THSD7B: variants seen among roughly 807,000 people sequenced by gnomAD.
The protein encoded by THSD7B is thrombospondin type-1 domain-containing protein 7B.
In THSD7B, 138 loss-of-function variants were observed where a neutral mutation model predicts 213.6. The observed-to-expected ratio is 0.65, with a 90% CI of 0.56 to 0.74. The LOEUF is 0.74. THSD7B is among the 30% of genes least tolerant of loss of function. The probability of loss-of-function intolerance (pLI) is 0.00; values close to 1 mark genes in which losing one functional copy is unlikely to be tolerated. For missense variants in THSD7B, 1,931 were observed against 1,991.5 expected, an observed-to-expected ratio of 0.97 and a Z score of 0.58; for synonymous variants, 742 against 687.0, an observed-to-expected ratio of 1.08 and a Z score of -1.25.
chr2:136,910,575 A>G (rs756437791), intron 2 of THSD7B, among the ~76,000 whole-genome samples: 2 of 152,220 alleles, frequency 1.3e-5, no homozygotes, highest in Non-Finnish European at 2.9e-5. Flanking sequence ...CTGAGGTGTT[A>G]GTGAATGTTA....
chr2:137,126,899 G>A (rs538105018), intron 5 of THSD7B, among the ~76,000 whole-genome samples: 14 of 152,228 alleles, frequency 9.2e-5, no homozygotes, highest in African/African-American at 2.9e-4. Context: ...GGAGGCCTGA[G>A]GAAAGAGAGA....
chr2:137,545,208 A>G (rs1680685518), intron 15 of THSD7B, among the ~76,000 whole-genome samples: 1 of 151,876 alleles, frequency 6.6e-6, no homozygotes, highest in Non-Finnish European at 1.5e-5. Flanking sequence ...TAATCTTACT[A>G]AAATAAAAAG....
intron 16 of THSD7B, among the ~76,000 whole-genome samples, chr2:137,564,110 A>G (rs1358154760): frequency 6.6e-6 from 1 of 152,198 alleles, no homozygotes; most frequent in African/African-American, 2.4e-5. Flanking sequence ...AAGAAGCATA[A>G]CTTAGTTAAC....
At chr2:136,861,752 A>C (rs1330497825) in intron 1 of THSD7B, among the ~76,000 whole-genome samples, 1 of 152,250 alleles carries the variant, frequency 6.6e-6, no homozygotes, top group African/African-American at 2.4e-5. Flanking sequence ...AATTACTTAA[A>C]AATGTAGTAG....
chr2:137,577,317 A>G (rs968096351), intron 17 of THSD7B, among the ~76,000 whole-genome samples: 10 of 152,092 alleles, frequency 6.6e-5, no homozygotes, highest in Non-Finnish European at 1.2e-4. Context: ...CGTGCATTGG[A>G]GCAGTGAATG....
chr2:137,402,241 CCTT>C (rs1335118290), intron 12 of THSD7B, among the ~76,000 whole-genome samples: 2 of 152,064 alleles, frequency 1.3e-5, no homozygotes, highest in Admixed American at 6.5e-5. Flanking sequence ...TCAGATAGCT[CCTT>C]GTTTAGACTT....
intron 3 of THSD7B, among the ~76,000 whole-genome samples, chr2:137,091,795 G>A (rs1031410752): frequency 1.3e-5 from 2 of 152,008 alleles, no homozygotes; most frequent in African/African-American, 2.4e-5. Flanking sequence ...TGAGGTCCCA[G>A]GGGTTATGAC....
intron 12 of THSD7B, among the ~76,000 whole-genome samples, chr2:137,382,660 G>A (rs1474814026): frequency 2.0e-5 from 3 of 152,218 alleles, no homozygotes; most frequent in African/African-American, 7.2e-5. Context: ...ACAATCCCCT[G>A]GACTGGGATG....
At chr2:137,499,141 G>A (rs975762864) in intron 15 of THSD7B, among the ~76,000 whole-genome samples, 2 of 152,202 alleles carry the variant, frequency 1.3e-5, no homozygotes, top group Non-Finnish European at 2.9e-5. Flanking sequence ...GTAGTCGCCT[G>A]TAAGTAGATG....
intron 12 of THSD7B, among the ~76,000 whole-genome samples, chr2:137,390,906 T>C (rs1218400104): frequency 6.6e-6 from 1 of 152,130 alleles, no homozygotes; most frequent in African/African-American, 2.4e-5. Flanking sequence ...TATTTTTTGA[T>C]GTGATGTTGG....
chr2:137,186,084 T>A (rs187887218), intron 7 of THSD7B, among the ~76,000 whole-genome samples: 4 of 152,272 alleles, frequency 2.6e-5, no homozygotes, highest in Admixed American at 6.5e-5. Context: ...TGTGGTTATT[T>A]TGTTTTTGCT....
intron 2 of THSD7B, among the ~76,000 whole-genome samples, chr2:137,017,464 A>G (rs1430647297): frequency 6.6e-6 from 1 of 152,104 alleles, no homozygotes; most frequent in Non-Finnish European, 1.5e-5. Context: ...AGTGAGGTTG[A>G]AAGAGGGCGG....
chr2:137,042,486 A>G (rs564536237), intron 2 of THSD7B, among the ~76,000 whole-genome samples: 2 of 152,272 alleles, frequency 1.3e-5, no homozygotes, highest in African/African-American at 2.4e-5. Context: ...GAGGATTCAC[A>G]TTATGTATTA....
At chr2:137,399,365 T>C (rs1686297939) in intron 12 of THSD7B, among the ~76,000 whole-genome samples, 1 of 151,916 alleles carries the variant, frequency 6.6e-6, no homozygotes, top group Non-Finnish European at 1.5e-5. Flanking sequence ...GCTAATTTTT[T>C]TATTTTTAGT....
intron 5 of THSD7B, among the ~76,000 whole-genome samples, chr2:137,158,496 T>A (rs1383053967): frequency 6.6e-6 from 1 of 152,216 alleles, no homozygotes; most frequent in Non-Finnish European, 1.5e-5. Flanking sequence ...TGCCCTTTAT[T>A]TTAAGTCATA....
At chr2:136,872,620 CTCTT>C (rs972772404) in intron 1 of THSD7B, among the ~76,000 whole-genome samples, 3 of 126,534 alleles carry the variant, frequency 2.4e-5, no homozygotes, top group Non-Finnish European at 5.2e-5. Context: ...TTTCTTCTTT[CTCTT>C]TCTTTTCTTT....
At chr2:137,196,783 G>A (rs1680774703) in intron 7 of THSD7B, among the ~76,000 whole-genome samples, 1 of 152,048 alleles carries the variant, frequency 6.6e-6, no homozygotes, top group Admixed American at 6.6e-5. Flanking sequence ...TTTAGACTTG[G>A]ATTCTGTCAC....
At chr2:137,102,250 G>C (rs1241461822) in intron 4 of THSD7B, among the ~76,000 whole-genome samples, 2 of 152,204 alleles carry the variant, frequency 1.3e-5, no homozygotes, top group Admixed American at 1.3e-4. Flanking sequence ...GGCAAACAGA[G>C]CCTGAAGTGG....
intron 2 of THSD7B, chr2:136,991,020 C>CAAAAAAAAAAA: frequency 1.8e-6 from 2 of 1,089,734 alleles, no homozygotes; most frequent in Non-Finnish European, 2.5e-6. Flanking sequence ...CTGTCCTCCC[C>CAAAAAAAAAAA]AAAAAAGGAG....
Sources: gnomAD v4.1 joint callset for allele counts (sites outside exome capture counted in the v4.1 genomes callset) on GRCh38, gnomAD v4.1.1 for gene constraint, MANE v1.5 for transcripts, NCBI Gene and HGNC (gene_info 2026-07-23, HGNC 2026-07-21) for gene names.